TSHZ2: variants seen among roughly 807,000 people sequenced by gnomAD.
TSHZ2 encodes teashirt zinc finger homeobox 2.
Under a neutral mutation model 74.4 loss-of-function variants are expected in TSHZ2, and 21 were observed. The observed-to-expected ratio is 0.28, with a 90% CI of 0.20 to 0.41. The LOEUF (loss-of-function observed/expected upper bound fraction) is 0.41, where lower values mean the gene tolerates loss of function less well. TSHZ2 is among the 10% of genes least tolerant of loss of function. The pLI is 1.00. For synonymous variants in TSHZ2, 540 were observed against 515.3 expected (o/e 1.05, Z -0.65); for missense variants, 1,244 against 1,293.5 (o/e 0.96, Z 0.59).
In TSHZ2 at chr20:53,143,003, C is replaced by T. The variant is rs188223042; in HGVS notation, c.41-110496C>T. On this transcript the variant is annotated intron_variant, in intron 1 of 2. Transcript: ENST00000371497. ...GTAACTTTGCTTAATCCGGCGCTGA[C>T]GTGACCCGCTGCTTTGCAACACTTA... Among the ~76,000 whole-genome samples the T allele has an allele frequency of 3.1e-4, 47 of 152,260 alleles. 1 individual carries two copies. Among genetic ancestry groups the T allele is most frequent in the Admixed American group, 6.5e-4 (10 of 15,296 alleles).
chr20:53,333,443 C>T (rs368520745), intron 2 of TSHZ2, among the ~76,000 whole-genome samples: 31 of 151,458 alleles, frequency 2.0e-4, no homozygotes, highest in African/African-American at 7.0e-4. Flanking sequence ...CCAGATCTCT[C>T]TGCCAAGCAT....
intron 2 of TSHZ2, among the ~76,000 whole-genome samples, chr20:53,384,870 C>T (rs1244478736): frequency 5.3e-5 from 8 of 152,174 alleles, no homozygotes; most frequent in Admixed American, 5.2e-4. Flanking sequence ...CGCCTGTAAT[C>T]CCAGCACTTT....
At chr20:52,975,743 T>C (rs916081058) in intron 1 of TSHZ2, among the ~76,000 whole-genome samples, 1 of 152,204 alleles carries the variant, frequency 6.6e-6, no homozygotes, top group Non-Finnish European at 1.5e-5. Flanking sequence ...CAGTTTTTCA[T>C]GCAGTGTTTC....
At chr20:53,169,315 T>A (rs867639137) in intron 1 of TSHZ2, among the ~76,000 whole-genome samples, 1 of 152,228 alleles carries the variant, frequency 6.6e-6, no homozygotes, top group African/African-American at 2.4e-5. Flanking sequence ...CAAGCCATAA[T>A]TGTACCAGCT....
chr20:53,468,480 G>A (rs1215875609), intron 2 of TSHZ2, among the ~76,000 whole-genome samples: 2 of 152,050 alleles, frequency 1.3e-5, no homozygotes, highest in Non-Finnish European at 2.9e-5. Context: ...CATTTTTGTT[G>A]TTGTTGTTCT....
intron 1 of TSHZ2, among the ~76,000 whole-genome samples, chr20:52,995,873 C>A (rs1257251418): frequency 2.0e-5 from 3 of 151,976 alleles, no homozygotes; most frequent in African/African-American, 7.3e-5. Flanking sequence ...CCACCCACCT[C>A]GGCCTCCCAA....
At chr20:53,350,886 T>C (rs1187521499) in intron 2 of TSHZ2, among the ~76,000 whole-genome samples, 1 of 152,214 alleles carries the variant, frequency 6.6e-6, no homozygotes, top group Non-Finnish European at 1.5e-5. Flanking sequence ...TGGAAGGCAA[T>C]GTTGCTTAGA....
intron 1 of TSHZ2, among the ~76,000 whole-genome samples, chr20:53,069,094 A>G (rs1374192621): frequency 2.0e-5 from 3 of 152,216 alleles, no homozygotes; most frequent in Admixed American, 6.5e-5. Flanking sequence ...TGCACAAACG[A>G]GAAGAGCCCA....
At chr20:53,272,113 G>A (rs534342859) in intron 2 of TSHZ2, among the ~76,000 whole-genome samples, 9 of 152,050 alleles carry the variant, frequency 5.9e-5, no homozygotes, top group Non-Finnish European at 1.3e-4. Context: ...CCTGGTTCAA[G>A]TGATTCTCCA....
chr20:53,063,316 T>C (rs900276086), intron 1 of TSHZ2, among the ~76,000 whole-genome samples: 1 of 152,208 alleles, frequency 6.6e-6, no homozygotes, highest in East Asian at 1.9e-4. Context: ...TATATGCACT[T>C]AACCAAACAT....
rs145359092 is a variant in TSHZ2 at position 53,395,928 on chromosome 20, G to GTGTT, written c.*9-91193_*9-91190dup. ...AGACACACATTGGAAAGTTTTAAGC[G>GTGTT]TGTTTGTTTGTTTGTTTGTTTGTTT... On this transcript the variant is annotated intron_variant, in intron 2 of 2. Coordinates refer to ENST00000371497, the MANE Select transcript of TSHZ2 (RefSeq NM_173485.6). Among the ~76,000 whole-genome samples the GTGTT allele has an allele frequency of 3.8e-3, 578 of 152,078 alleles. 3 individuals are homozygous for GTGTT. Among genetic ancestry groups the GTGTT allele is most frequent in the African/African-American group, 0.01 (415 of 41,452 alleles).
chr20:53,449,153 A>G (rs1013861950), intron 2 of TSHZ2, among the ~76,000 whole-genome samples: 1 of 152,090 alleles, frequency 6.6e-6, no homozygotes, highest in Non-Finnish European at 1.5e-5. Flanking sequence ...CCCTTTTAAT[A>G]TTAGTAACCA....
chr20:52,986,183 A>T (rs949413293), intron 1 of TSHZ2, among the ~76,000 whole-genome samples: 1 of 150,574 alleles, frequency 6.6e-6, no homozygotes, highest in Non-Finnish European at 1.5e-5. Flanking sequence ...CGAGGTTGGG[A>T]GTTCGAGACC....
intron 2 of TSHZ2, among the ~76,000 whole-genome samples, chr20:53,466,591 C>T (rs548913863): frequency 7.2e-5 from 11 of 152,298 alleles, no homozygotes; most frequent in Admixed American, 3.9e-4. Flanking sequence ...TTGGAGTATA[C>T]GAATGTGGCT....
chr20:53,001,130 A>T (rs1365869375), intron 1 of TSHZ2, among the ~76,000 whole-genome samples: 6 of 151,992 alleles, frequency 3.9e-5, no homozygotes, highest in Non-Finnish European at 8.8e-5. Context: ...CAAGAGAGGC[A>T]CAACAGGAAC....
chr20:53,424,683 C>T (rs1300349581), intron 2 of TSHZ2, among the ~76,000 whole-genome samples: 1 of 152,024 alleles, frequency 6.6e-6, no homozygotes, highest in African/African-American at 2.4e-5. Context: ...GTATTAAGCC[C>T]GGCGTGCATT....
chr20:53,139,542 T>C lies in TSHZ2; in HGVS notation c.41-113957T>C, dbSNP rs139906593. On this transcript the variant is annotated intron_variant, in intron 1 of 2. Coordinates refer to ENST00000371497, the MANE Select transcript of TSHZ2 (RefSeq NM_173485.6). ...TTTCCTTCATTCCCTGAATTCCCAC[T>C]GTCCTCCCAATACAAATCAATCTAA... Among the ~76,000 whole-genome samples, 414 of 152,320 alleles carry C rather than the reference T, an allele frequency of 2.7e-3. 2 individuals are homozygous for C. The highest frequency in any genetic ancestry group is 9.2e-3 in the African/African-American group (381 of 41,564).
At position 53,085,174 on chromosome 20, in the gene TSHZ2, C is replaced by T. The variant is rs572691276; in HGVS notation, c.40+111841C>T. Among the ~76,000 whole-genome samples the T allele has an allele frequency of 1.1e-4, 16 of 151,958 alleles. No homozygotes were observed. In the South Asian group the frequency reaches 2.9e-3, roughly 28 times the overall value. On this transcript the variant is annotated intron_variant, in intron 1 of 2. Transcript: ENST00000371497. ...TCTCCTGACTTCGAGACCAGCCAGG[C>T]GAATATGGTGAAACCTCATCTCTAC... is the stretch of plus-strand genomic sequence containing the variant.
intron 1 of TSHZ2, among the ~76,000 whole-genome samples, chr20:53,201,678 G>A (rs1420842327): frequency 2.6e-5 from 4 of 152,144 alleles, no homozygotes; most frequent in Admixed American, 2.0e-4. Context: ...AAGGGACAAG[G>A]GTGAAGCTGA....
Sources: allele counts gnomAD v4.1 joint callset (sites outside exome capture counted in the v4.1 genomes callset), GRCh38; gene constraint gnomAD v4.1.1; transcripts MANE v1.5; gene names NCBI Gene and HGNC (gene_info 2026-07-23, HGNC 2026-07-21).